Variants in TMTC1 observed in about 807,000 individuals in gnomAD.
The protein encoded by TMTC1 is transmembrane O-mannosyltransferase targeting cadherins 1.
In TMTC1, 73 loss-of-function variants were observed where a neutral mutation model predicts 104.8. That is an observed-to-expected ratio of 0.70 (90% CI 0.58 to 0.85). The LOEUF is 0.85. Ranked by LOEUF, TMTC1 falls within the 40% of genes least tolerant of loss-of-function variation. TMTC1 has a pLI of 0.00. For missense variants in TMTC1, 1,035 were observed against 1,096.1 expected, an observed-to-expected ratio of 0.94 and a Z score of 0.79; for synonymous variants, 434 against 428.7, an observed-to-expected ratio of 1.01 and a Z score of -0.15.
intron 7 of TMTC1, among the ~76,000 whole-genome samples, chr12:29,585,171 T>G (rs1471881632): frequency 6.6e-6 from 1 of 151,972 alleles, no homozygotes; most frequent in African/African-American, 2.4e-5. Flanking sequence ...GGTTTTGATT[T>G]GCATTTCTCT....
At chr12:29,624,210 C>T (rs1166360164) in intron 6 of TMTC1, among the ~76,000 whole-genome samples, 3 of 152,088 alleles carry the variant, frequency 2.0e-5, no homozygotes, top group Non-Finnish European at 4.4e-5. Flanking sequence ...AAACTCCTGA[C>T]CTCAAGTGAT....
intron 11 of TMTC1, among the ~76,000 whole-genome samples, chr12:29,524,399 T>TA (rs1467378583): frequency 1.3e-5 from 2 of 152,238 alleles, no homozygotes; most frequent in East Asian, 3.9e-4. Context: ...ATGTAACAAA[T>TA]AGAGTCAGTA....
In TMTC1 at chr12:29,753,010, T is replaced by C. The variant is rs149125856; in HGVS notation, c.732-1138A>G. 2.5e-3 allele frequency among the ~76,000 whole-genome samples: 377 copies of C among 152,342 alleles called. 2 individuals are homozygous for C. The highest frequency in any genetic ancestry group is 8.9e-3 in the African/African-American group (369 of 41,586). On this transcript the variant is annotated intron_variant, in intron 4 of 17. Coordinates refer to ENST00000539277, the MANE Select transcript of TMTC1 (RefSeq NM_001193451.2). Reference sequence around the variant, plus strand: ...TGAAAATCTTTCCTCCTAAAGATGATGTCAAATAGAAGAAATCTCATTCCA... The same window carrying C: ...TGAAAATCTTTCCTCCTAAAGATGACGTCAAATAGAAGAAATCTCATTCCA...
intron 9 of TMTC1, among the ~76,000 whole-genome samples, chr12:29,570,888 C>CCT (rs1555170711): frequency 2.2e-5 from 3 of 137,348 alleles, no homozygotes; most frequent in East Asian, 2.2e-4. Context: ...AACACCCCCC[C>CCT]CCCCCGCCAA....
intron 11 of TMTC1, among the ~76,000 whole-genome samples, chr12:29,527,809 C>G (rs1409552156): frequency 6.6e-6 from 1 of 152,102 alleles, no homozygotes; most frequent in Non-Finnish European, 1.5e-5. Context: ...TCATCTAAAT[C>G]TTCTCTTTTA....
At position 29,776,530 on chromosome 12, in the gene TMTC1, C is replaced by CA. The variant is rs1228758359; in HGVS notation, c.302+6919dup. 4.0e-4 allele frequency among the ~76,000 whole-genome samples: 61 copies of CA among 152,132 alleles called. 1 individual carries two copies. The highest frequency in any genetic ancestry group is 2.0e-4 in the Admixed American group (3 of 15,282). On this transcript the variant is annotated intron_variant, in intron 1 of 17. Transcript: ENST00000539277. ...TTTACCTGAAAAATCTGAGCAGTCA[C>CA]AAAAAGGATTTATTCATTCTTTAAA...
chr12:29,760,502 T>C (rs927373462), intron 2 of TMTC1, among the ~76,000 whole-genome samples: 1 of 152,180 alleles, frequency 6.6e-6, no homozygotes, highest in Non-Finnish European at 1.5e-5. Context: ...ATTTACTAAT[T>C]ATTAAATGAA....
At chr12:29,614,354 T>C (rs1385384957) in intron 6 of TMTC1, among the ~76,000 whole-genome samples, 1 of 152,226 alleles carries the variant, frequency 6.6e-6, no homozygotes, top group African/African-American at 2.4e-5. Context: ...AAACATATGG[T>C]CACAAAATCC....
chr12:29,705,908 G>C (rs1209259913), intron 5 of TMTC1, among the ~76,000 whole-genome samples: 1 of 151,768 alleles, frequency 6.6e-6, no homozygotes, highest in Non-Finnish European at 1.5e-5. Flanking sequence ...CTTACATTAT[G>C]TCTAATTCCC....
At position 29,600,010 on chromosome 12, in the gene TMTC1, T is replaced by TATATA. The variant is rs71985661; in HGVS notation, c.1250+4167_1250+4168insTATAT. ...TGTATATACATATATATATATATAT[T>TATATA]TTTTTTTTTTTTTCCCTCAAAAGAG... On this transcript the variant is annotated intron_variant, in intron 7 of 17. Coordinates refer to ENST00000539277, the MANE Select transcript of TMTC1 (RefSeq NM_001193451.2). Among the ~76,000 whole-genome samples the TATATA allele has an allele frequency of 3.9e-3, 373 of 96,314 alleles. 4 individuals are homozygous for TATATA. Among genetic ancestry groups the TATATA allele is most frequent in the African/African-American group, 0.014 (324 of 22,620 alleles). The allele number at this position is 96,314 out of a possible 152,430, so 63.2% of individuals were successfully genotyped here. A position where few individuals can be genotyped will look rare whatever the true frequency, so the allele number is the denominator to read the frequency against.
intron 1 of TMTC1, among the ~76,000 whole-genome samples, chr12:29,775,270 T>C (rs949911045): frequency 3.3e-5 from 5 of 152,138 alleles, no homozygotes; most frequent in African/African-American, 4.8e-5. Flanking sequence ...CTGATTGTAA[T>C]GCAGTTCTGA....
chr12:29,524,836 C>T (rs1188866504), intron 11 of TMTC1, among the ~76,000 whole-genome samples: 1 of 152,166 alleles, frequency 6.6e-6, no homozygotes, highest in Non-Finnish European at 1.5e-5. Context: ...GCTGCAAAGT[C>T]CTCTACAAAT....
rs574960665 is a variant in TMTC1 at position 29,706,426 on chromosome 12, G to A, written c.938+45240C>T. ...TTTTCCTTCTGCCTAACCATTGCAC[G>A]CTCATTTTATCTTTGATCTAAAGTA... On this transcript the variant is annotated intron_variant, in intron 5 of 17. Coordinates refer to ENST00000539277, the MANE Select transcript of TMTC1 (RefSeq NM_001193451.2). Among the ~76,000 whole-genome samples, 8 of 152,248 alleles carry A rather than the reference G, an allele frequency of 5.3e-5. No homozygotes were observed. The East Asian group carries it at 1.2e-3, about 22-fold the overall frequency.
intron 4 of TMTC1, among the ~76,000 whole-genome samples, chr12:29,752,448 G>A (rs1010010526): frequency 6.6e-6 from 1 of 152,202 alleles, no homozygotes; most frequent in African/African-American, 2.4e-5. Context: ...CAGGAGCAAT[G>A]TCTCGGGATG....
intron 5 of TMTC1, among the ~76,000 whole-genome samples, chr12:29,692,959 A>T (rs1452255773): frequency 6.9e-6 from 1 of 145,180 alleles, no homozygotes; most frequent in Non-Finnish European, 1.5e-5. Context: ...AAAAACAGAA[A>T]GCAGATGAGT....
chr12:29,672,621 T>A (rs1417971009), intron 5 of TMTC1, among the ~76,000 whole-genome samples: 1 of 152,166 alleles, frequency 6.6e-6, no homozygotes, highest in Non-Finnish European at 1.5e-5. Flanking sequence ...TAGTTTTCAA[T>A]CTAGGGCCCT....
chr12:29,754,047 A>C (rs1943155298), intron 4 of TMTC1, among the ~76,000 whole-genome samples: 1 of 151,948 alleles, frequency 6.6e-6, no homozygotes, highest in Non-Finnish European at 1.5e-5. Context: ...TTGTATTTTT[A>C]GTAGAGATGG....
intron 5 of TMTC1, among the ~76,000 whole-genome samples, chr12:29,699,425 G>A (rs186217191): frequency 8.0e-4 from 122 of 152,100 alleles, no homozygotes; most frequent in African/African-American, 2.8e-3. Context: ...AAATTACAAC[G>A]TTATATGACA....
chr12:29,666,843 C>T (rs1176503172), intron 5 of TMTC1, among the ~76,000 whole-genome samples: 1 of 152,092 alleles, frequency 6.6e-6, no homozygotes, highest in East Asian at 1.9e-4. Context: ...AAATCATAAA[C>T]AGTGATATAT....
Sources: allele counts gnomAD v4.1 joint callset (sites outside exome capture counted in the v4.1 genomes callset), GRCh38; gene constraint gnomAD v4.1.1; transcripts MANE v1.5; gene names NCBI Gene and HGNC (gene_info 2026-07-23, HGNC 2026-07-21).